Variants in DOC2A observed in about 807,000 individuals in gnomAD.
DOC2A encodes the protein double C2-like domain-containing protein alpha.
A neutral mutation model predicts 40.6 loss-of-function variants in DOC2A; 28 were observed. The observed-to-expected ratio is 0.69, with a 90% CI of 0.51 to 0.95. The LOEUF is 0.95. Ranked by LOEUF, DOC2A falls within the 40% of genes least tolerant of loss-of-function variation. The probability of loss-of-function intolerance (pLI) is 0.00; values close to 1 mark genes in which losing one functional copy is unlikely to be tolerated. For missense variants in DOC2A, 474 were observed against 552.5 expected, an observed-to-expected ratio of 0.86 and a Z score of 1.42; for synonymous variants, 241 against 236.9, an observed-to-expected ratio of 1.02 and a Z score of -0.16.
Position 30,010,075 on chromosome 16 carries a change from C to T in DOC2A, c.148G>A (p.Gly50Arg), listed in dbSNP as rs199677332. The change falls in exon 2 of 11, where the codon GGG becomes AGG. Residue 50 changes from glycine to arginine, a missense_variant. Coordinates refer to ENST00000350119, the MANE Select transcript of DOC2A (RefSeq NM_003586.3). The surrounding 1 kb of genome is among the most constrained non-coding windows in gnomAD (Gnocchi z 4.2). Reference sequence around the variant, plus strand: ...GGGACCAGATGGGCGGGGGCCTCCCCGCCGCCCCCGCCGCCCCCTTCAGGT... The same window carrying T: ...GGGACCAGATGGGCGGGGGCCTCCCTGCCGCCCCCGCCGCCCCCTTCAGGT... ...PGPEGGGGGG[G>R]EAPAHLVPLA... 3.8e-5 allele frequency: 62 copies of T among 1,611,374 alleles called. No individual in the cohort carries two copies. The African/African-American group carries it at 4.1e-4, about 11-fold the overall frequency.
In DOC2A at chr16:30,006,617, A is replaced by G. The variant is rs1304213718; in HGVS notation, c.939T>C (p.Thr313=). The G allele has an allele frequency of 3.7e-6, 6 of 1,613,312 alleles. No homozygotes were observed. The highest frequency in any genetic ancestry group is 1.6e-4 in the Middle Eastern group (1 of 6,062). ...GTACCTCGTTAAATTCTGGGTTGAG[A>G]GTCTTCTTCTTCACACACGTCTTAT... is the stretch of plus-strand genomic sequence containing the variant. ...SKHKTCVKKK[T]LNPEFNEEFF... Residue 313 remains threonine, a synonymous_variant, in exon 9 of 11, where the codon ACT becomes ACC. Coordinates refer to ENST00000350119, the MANE Select transcript of DOC2A (RefSeq NM_003586.3). The surrounding 1 kb of genome is among the most constrained non-coding windows in gnomAD (Gnocchi z 6.2).
At chr16:30,011,255 C>T (rs916511228), upstream of DOC2A, 10 of 927,990 alleles carry the variant, frequency 1.1e-5, no homozygotes, top group Admixed American at 1.2e-4. Context: ...CGGGCACCCC[C>T]GCGCGCACAC....
At position 30,010,111 on chromosome 16, in the gene DOC2A, G is replaced by C. The variant is rs922351244; in HGVS notation, c.112C>G (p.Arg38Gly). The change falls in exon 2 of 11, where the codon CGG becomes GGG. Residue 38 changes from arginine to glycine, a missense_variant. By Grantham distance (125) the Arg-to-Gly change is moderately radical. Coordinates refer to ENST00000350119, the MANE Select transcript of DOC2A (RefSeq NM_003586.3). The surrounding 1 kb of genome is among the most constrained non-coding windows in gnomAD (Gnocchi z 4.2). Reference protein sequence around the residue: ...PIRQISDYFPRGPGPEGGGGG... With the variant: ...PIRQISDYFPGGPGPEGGGGG... ...CCGCCCCCTTCAGGTCCTGGTCCCC[G>C]GGGGAAGTAGTCAGAGATCTGGCGG... 5 of 1,612,544 alleles carry C rather than the reference G, an allele frequency of 3.1e-6. No individual in the cohort carries two copies. The highest frequency in any genetic ancestry group is 3.4e-6 in the Non-Finnish European group (4 of 1,178,994).
intron 1 of DOC2A, among the ~76,000 whole-genome samples, chr16:30,017,639 A>G (rs1438269430): frequency 6.6e-6 from 1 of 152,156 alleles, no homozygotes; most frequent in African/African-American, 2.4e-5. Flanking sequence ...GACTCCAAAA[A>G]AGGGGAGGGA....
At chr16:30,016,789 G>T (rs909081721), upstream of DOC2A, among the ~76,000 whole-genome samples, 6 of 152,302 alleles carry the variant, frequency 3.9e-5, no homozygotes, top group Admixed American at 3.9e-4. Context: ...AGGTCAATGA[G>T]CTGTGACTTC....
In DOC2A at chr16:30,009,060, C is replaced by T. The variant is rs2070700956; in HGVS notation, c.463G>A (p.Val155Met). Residue 155 changes from valine (V) to methionine (M), a missense_variant, in exon 5 of 11, where the codon GTG becomes ATG. Val to Met is a conservative substitution (Grantham distance 21, BLOSUM62 1). Transcript: ENST00000350119. This position sits in a 1 kb window ranked among gnomAD's most constrained non-coding sequence, Gnocchi z 4.1. Reference protein sequence around the residue: ...TKTQRNTLNPVWNEDLTYSGI... With the variant: ...TKTQRNTLNPMWNEDLTYSGI... ...CTGTAAGTCAGGTCCTCATTCCACACGGGATTCAGTGTGTTCCTCTGAGTC... is the reference window on the plus strand; with the variant it reads ...CTGTAAGTCAGGTCCTCATTCCACATGGGATTCAGTGTGTTCCTCTGAGTC... 1.2e-6 allele frequency: 2 copies of T among 1,614,052 alleles called. No individual in the cohort carries two copies. The highest frequency in any genetic ancestry group is 1.7e-6 in the Non-Finnish European group (2 of 1,179,986).
At chr16:30,008,311 A>G (rs1298070430) in intron 5 of DOC2A, 1 of 156,160 alleles carries the variant, frequency 6.4e-6, no homozygotes, top group Non-Finnish European at 1.4e-5. Flanking sequence ...GGTCTGGCTT[A>G]AGCCAAGGGC....
intron 1 of DOC2A, among the ~76,000 whole-genome samples, chr16:30,018,100 T>C (rs2070872660): frequency 9.7e-6 from 1 of 102,966 alleles, no homozygotes; most frequent in Non-Finnish European, 1.9e-5. Flanking sequence ...ATCCTATTTC[T>C]ACCAAAAAAA....
In DOC2A at chr16:30,009,133, A is replaced by G. The variant is rs2070702788; in HGVS notation, c.418-28T>C. The stretch of plus-strand genomic sequence containing the variant: ...GGGATGTGGGGATGAAAGGTTCTCA[A>G]TACCTGTCCTCCAGCCCCACAGGCT... On this transcript the variant is annotated intron_variant, in intron 4 of 10. Coordinates refer to ENST00000350119, the MANE Select transcript of DOC2A (RefSeq NM_003586.3). This position sits in a 1 kb window ranked among gnomAD's most constrained non-coding sequence, Gnocchi z 4.1. 2 of 1,607,934 alleles carry G rather than the reference A, an allele frequency of 1.2e-6. No homozygotes were observed. Among genetic ancestry groups the G allele is most frequent in the Non-Finnish European group, 1.7e-6 (2 of 1,174,658 alleles).
upstream of DOC2A, among the ~76,000 whole-genome samples, chr16:30,014,155 C>T (rs1264534571): frequency 2.1e-5 from 3 of 145,786 alleles, no homozygotes; most frequent in African/African-American, 5.2e-5. Flanking sequence ...GGCTGTTTTG[C>T]TCTTGTTTAG....
chr16:30,021,487 G>A (rs2070907900), upstream of DOC2A: 3 of 152,396 alleles, frequency 2.0e-5, no homozygotes, highest in Admixed American at 2.0e-4. Flanking sequence ...GGCCACAGAA[G>A]AGGAAACGGA....
At chr16:30,015,605 CT>C (rs2070846362), upstream of DOC2A, among the ~76,000 whole-genome samples, 1 of 151,920 alleles carries the variant, frequency 6.6e-6, no homozygotes, top group South Asian at 2.1e-4. Flanking sequence ...GCATGAGCCA[CT>C]GTGCCTGGCC....
chr16:30,013,622 A>AATAAAAAAAAAAAAAAAAAAAAAAAT (rs1186474493), upstream of DOC2A: 2 of 141,520 alleles, frequency 1.4e-5, no homozygotes, highest in East Asian at 2.0e-4. Context: ...AAAAAAAAAA[A>AATAAAAAAAAAAAAAAAAAAAAAAAT]AAAAATCCTT....
rs1301547808 is a variant in DOC2A at position 30,010,894 on chromosome 16, TG to T, written c.-14+8del. ...CACGCCCCCGGCCTGCCCAGCCCCC[TG>T]CACCTGCCTCTGCCTCCAACAGGTG... On this transcript the variant is annotated splice_region_variant and intron_variant, in intron 1 of 10. Transcript: ENST00000350119. This position sits in a 1 kb window ranked among gnomAD's most constrained non-coding sequence, Gnocchi z 4.2. The T allele has an allele frequency of 8.8e-6, 9 of 1,018,520 alleles. No homozygotes were observed. The highest frequency in any genetic ancestry group is 1.1e-5 in the Non-Finnish European group (9 of 849,002). 63.1% of individuals were successfully genotyped at this position (1,018,520 alleles called of 1,614,324 possible).
upstream of DOC2A, chr16:30,011,436 C>A (rs1007961041): frequency 1.8e-5 from 18 of 984,878 alleles, 1 homozygote; most frequent in South Asian, 6.6e-4. Context: ...CCTGGGAGAC[C>A]TGGCCCCCCG....
upstream of DOC2A, chr16:30,011,384 C>G (rs1434467495): frequency 1.0e-6 from 1 of 985,178 alleles, no homozygotes. Context: ...CCTGCGCCAC[C>G]AGGAAGCAGC....
chr16:30,005,526 GT>G lies in DOC2A; in HGVS notation c.*659del. 2 of 1,262,572 alleles carry G rather than the reference GT, an allele frequency of 1.6e-6. No individual in the cohort carries two copies. Among genetic ancestry groups the G allele is most frequent in the Non-Finnish European group, 2.2e-6 (2 of 895,150 alleles). The allele number at this position is 1,262,572 out of a possible 1,614,324, so 78.2% of individuals were successfully genotyped here. ...ACACGAGTCCAGCTTCCTCGGAGGT[GT>G]TTATTGATGCCCAGCTGCCATGCTC... On this transcript the variant is annotated 3_prime_UTR_variant, in exon 11 of 11. Coordinates refer to ENST00000350119, the MANE Select transcript of DOC2A (RefSeq NM_003586.3).
At chr16:30,015,854 C>A (rs1169509448), upstream of DOC2A, among the ~76,000 whole-genome samples, 1 of 149,500 alleles carries the variant, frequency 6.7e-6, no homozygotes, top group Non-Finnish European at 1.5e-5. Flanking sequence ...GTATGCACCA[C>A]CATGCCTGGC....
At chr16:30,014,296 T>G (rs1316669801), upstream of DOC2A, among the ~76,000 whole-genome samples, 1 of 148,870 alleles carries the variant, frequency 6.7e-6, no homozygotes, top group Non-Finnish European at 1.5e-5. Flanking sequence ...CGTGCGCCAC[T>G]GTGCCTGGCC....
Sources: allele counts gnomAD v4.1 joint callset (sites outside exome capture counted in the v4.1 genomes callset), GRCh38; gene constraint gnomAD v4.1.1; non-coding constraint Gnocchi (gnomAD v3.1); transcripts MANE v1.5; gene names NCBI Gene and HGNC (gene_info 2026-07-23, HGNC 2026-07-21).